The following TRPM1 variants were observed in gnomAD, a reference collection of about 807,000 sequenced individuals.
TRPM1 encodes TRPM1-203 APA Isoform, Intron 10.
In TRPM1, 113 loss-of-function variants were observed where a neutral mutation model predicts 149.4. That is an observed-to-expected ratio of 0.76 (90% CI 0.65 to 0.88). TRPM1 has a LOEUF of 0.88. Among genes scored for constraint, TRPM1 ranks in the 40% least tolerant of loss-of-function variants. TRPM1 has a pLI of 0.00. For missense variants in TRPM1, 1,976 were observed against 2,038.7 expected (o/e 0.97, Z 0.59); for synonymous variants, 741 against 759.5 (o/e 0.98, Z 0.40).
intron 1 of TRPM1, among the ~76,000 whole-genome samples, chr15:31,088,698 T>TG (rs1396619666): frequency 2.0e-5 from 3 of 151,774 alleles, no homozygotes; most frequent in Non-Finnish European, 2.9e-5. Flanking sequence ...TTTTGGGATT[T>TG]GGGGGCCGTC....
Position 31,050,439 on chromosome 15 carries a change from A to G in TRPM1, c.1407T>C (p.Thr469=). The G allele has an allele frequency of 6.2e-7, 1 of 1,614,066 alleles. No homozygotes were observed. The highest frequency in any genetic ancestry group is 1.1e-5 in the South Asian group (1 of 91,060). Residue 469 remains threonine, a synonymous_variant, in exon 12 of 28, where the codon ACT becomes ACC. Transcript: ENST00000256552. ...GKVKEEVEEE[T]DPRKIELLNW... ...TCAGCAGCTCTATCTTCCGGGGGTCAGTTTCTTCCTCCACTTCCTCTTTCA... is the reference window on the plus strand; with the variant it reads ...TCAGCAGCTCTATCTTCCGGGGGTCGGTTTCTTCCTCCACTTCCTCTTTCA...
chr15:31,086,591 A>C (rs2035006228), intron 1 of TRPM1, among the ~76,000 whole-genome samples: 4 of 151,766 alleles, frequency 2.6e-5, no homozygotes, highest in African/African-American at 4.8e-5. Context: ...CAGCATCCCC[A>C]CCTCTCCCAG....
At chr15:31,153,969 G>A (rs1380392073) in intron 1 of TRPM1, among the ~76,000 whole-genome samples, 2 of 152,216 alleles carry the variant, frequency 1.3e-5, no homozygotes, top group African/African-American at 4.8e-5. Flanking sequence ...AATGGGATGT[G>A]TGGAGTCTCT....
chr15:31,019,878 AG>A lies in TRPM1; in HGVS notation c.3629+6260del, dbSNP rs1265191514. 2.0e-5 allele frequency among the ~76,000 whole-genome samples: 3 copies of A among 151,976 alleles called. No individual in the cohort carries two copies. In the East Asian group the frequency reaches 5.8e-4, roughly 29 times the overall value. On this transcript the variant is annotated intron_variant, in intron 27 of 27. Coordinates refer to ENST00000256552, the MANE Select transcript of TRPM1 (RefSeq NM_001252024.2). ...GAAAAGGGGTTGCACCATGTTGACC[AG>A]GTTGGTCTTGAACTCCTGACCTCAA... is the stretch of plus-strand genomic sequence containing the variant.
At chr15:31,131,647 G>T (rs896163576) in intron 1 of TRPM1, among the ~76,000 whole-genome samples, 1 of 152,186 alleles carries the variant, frequency 6.6e-6, no homozygotes, top group Non-Finnish European at 1.5e-5. Flanking sequence ...GGGGACTGCT[G>T]TAGTGGCAGA....
chr15:31,076,962 T>C lies in TRPM1; in HGVS notation c.26A>G (p.Lys9Arg), dbSNP rs1426755617. The C allele has an allele frequency of 6.2e-7, 1 of 1,612,422 alleles. No homozygotes were observed. Among genetic ancestry groups the C allele is most frequent in the African/African-American group, 1.3e-5 (1 of 74,914 alleles). The change falls in exon 3 of 28, where the codon AAA (lysine) becomes AGA (arginine). Residue 9 changes from lysine to arginine, a missense_variant. Coordinates refer to ENST00000256552, the MANE Select transcript of TRPM1 (RefSeq NM_001252024.2). Reference sequence around the variant, plus strand: ...GATACATTCCCGTTTGCAAAAGGTTTTCTCTATCCAAGATTTCTGACCCTG... The same window carrying C: ...GATACATTCCCGTTTGCAAAAGGTTCTCTCTATCCAAGATTTCTGACCCTG... MGQKSWIE[K>R]TFCKRECIFV...
intron 1 of TRPM1, among the ~76,000 whole-genome samples, chr15:31,136,748 C>A (rs1215201697): frequency 1.9e-5 from 2 of 106,556 alleles, no homozygotes; most frequent in African/African-American, 7.5e-5. Flanking sequence ...CCGCCCCCAC[C>A]CTTTTTTTTT....
chr15:31,032,316 C>A (rs925475753), intron 22 of TRPM1, among the ~76,000 whole-genome samples: 1 of 151,888 alleles, frequency 6.6e-6, no homozygotes. Flanking sequence ...TAATTAGTCA[C>A]CCTACAGTTG....
chr15:31,128,164 G>A (rs1306057852), intron 1 of TRPM1, among the ~76,000 whole-genome samples: 1 of 152,156 alleles, frequency 6.6e-6, no homozygotes, highest in Non-Finnish European at 1.5e-5. Context: ...CATGAGCTCA[G>A]GATTGGTGAC....
At chr15:31,109,978 T>C (rs1385362604) in intron 1 of TRPM1, among the ~76,000 whole-genome samples, 2 of 152,204 alleles carry the variant, frequency 1.3e-5, no homozygotes, top group East Asian at 1.9e-4. Context: ...AAAAGTTTTG[T>C]GAATCCTGAT....
chr15:31,058,289 T>A (rs1313736902), intron 11 of TRPM1, among the ~76,000 whole-genome samples: 1 of 152,152 alleles, frequency 6.6e-6, no homozygotes, highest in Non-Finnish European at 1.5e-5. Context: ...TCTATTCAAA[T>A]AAGTCATGGT....
chr15:31,103,342 T>C (rs1321367302), upstream of TRPM1, among the ~76,000 whole-genome samples: 3 of 152,192 alleles, frequency 2.0e-5, no homozygotes, highest in Non-Finnish European at 4.4e-5. Context: ...CGCGTGGCTA[T>C]GGAGTGCTGG....
At chr15:31,007,158 A>G (rs1245600746) in intron 27 of TRPM1, among the ~76,000 whole-genome samples, 1 of 152,180 alleles carries the variant, frequency 6.6e-6, no homozygotes, top group Non-Finnish European at 1.5e-5. Context: ...GTTTAGATCT[A>G]TGATCCATTT....
At chr15:31,129,534 T>G (rs115937997) in intron 1 of TRPM1, among the ~76,000 whole-genome samples, 1,750 of 152,292 alleles carry the variant, frequency 0.011, 36 homozygotes, top group African/African-American at 0.04. Context: ...GAAAAATACA[T>G]GAAATTGCTG....
At chr15:31,043,000 T>C (rs2033666423) in intron 16 of TRPM1, among the ~76,000 whole-genome samples, 1 of 152,222 alleles carries the variant, frequency 6.6e-6, no homozygotes, top group African/African-American at 2.4e-5. Flanking sequence ...CCATCAGTTA[T>C]CTTCTTTTAT....
intron 1 of TRPM1, among the ~76,000 whole-genome samples, chr15:31,159,589 A>T (rs1218935967): frequency 1.3e-5 from 2 of 152,058 alleles, no homozygotes; most frequent in Non-Finnish European, 2.9e-5. Context: ...CCTGTCCCCC[A>T]CTGAGCCCCA....
intron 1 of TRPM1, among the ~76,000 whole-genome samples, chr15:31,115,914 T>C (rs1302732805): frequency 3.3e-5 from 5 of 151,934 alleles, no homozygotes; most frequent in Non-Finnish European, 7.4e-5. Context: ...GGTAAGAGCT[T>C]GTGTCTTCAT....
intron 21 of TRPM1, 100 bp downstream of exon 21, chr15:31,035,446 C>T: frequency 1.3e-6 from 2 of 1,546,824 alleles, no homozygotes; most frequent in Admixed American, 3.3e-5. Context: ...ACGCCTGGCC[C>T]AACATGCATA....
In TRPM1 at chr15:31,065,931, A is replaced by G. The variant is rs141925696; in HGVS notation, c.790+145T>C. 1.6e-4 allele frequency: 154 copies of G among 975,452 alleles called. No individual in the cohort carries two copies. The East Asian group carries it at 3.7e-3, about 23-fold the overall frequency. The allele number at this position is 975,452 out of a possible 1,614,324, so 60.4% of individuals were successfully genotyped here. ...TGATTTGGTAGGTGGCTAAGGTAAGACATCTAGGTGAGTCATTTTCTGTTG... is the reference window on the plus strand; with the variant it reads ...TGATTTGGTAGGTGGCTAAGGTAAGGCATCTAGGTGAGTCATTTTCTGTTG... On this transcript the variant is annotated intron_variant, in intron 7 of 27. Coordinates refer to ENST00000256552, the MANE Select transcript of TRPM1 (RefSeq NM_001252024.2).
Sources: allele counts gnomAD v4.1 joint callset (sites outside exome capture counted in the v4.1 genomes callset), GRCh38; gene constraint gnomAD v4.1.1; transcripts MANE v1.5; gene names NCBI Gene and HGNC (gene_info 2026-07-23, HGNC 2026-07-21).